PPM1L: variants seen among roughly 807,000 people sequenced by gnomAD.
PPM1L encodes protein phosphatase 1L.
In PPM1L, 13 loss-of-function variants were observed where a neutral mutation model predicts 31.4. The ratio of observed to expected loss-of-function variants is 0.41; its 90% CI spans 0.27 to 0.66. The LOEUF (loss-of-function observed/expected upper bound fraction) is 0.66, where lower values mean the gene tolerates loss of function less well. Among genes scored for constraint, PPM1L ranks in the 30% least tolerant of loss-of-function variants. PPM1L has a pLI of 0.29. For missense variants in PPM1L, 326 were observed against 453.7 expected, an observed-to-expected ratio of 0.72 and a Z score of 2.56; for synonymous variants, 184 against 175.4, an observed-to-expected ratio of 1.05 and a Z score of -0.39.
At chr3:160,921,887 A>C (rs1714418391) in intron 1 of PPM1L, among the ~76,000 whole-genome samples, 1 of 152,176 alleles carries the variant, frequency 6.6e-6, no homozygotes, top group Non-Finnish European at 1.5e-5. Flanking sequence ...TAAGACCTAG[A>C]GTTGCAGAGA....
At chr3:160,776,380 G>A (rs1711558351) in intron 1 of PPM1L, among the ~76,000 whole-genome samples, 1 of 152,136 alleles carries the variant, frequency 6.6e-6, no homozygotes, top group Non-Finnish European at 1.5e-5. Context: ...CCATACTAGA[G>A]AAAGATGGTC....
intron 2 of PPM1L, among the ~76,000 whole-genome samples, chr3:161,018,417 C>T (rs1718147000): frequency 6.6e-6 from 1 of 152,076 alleles, no homozygotes; most frequent in African/African-American, 2.4e-5. Flanking sequence ...TTTCTATGAA[C>T]ATGAAAGGTA....
At chr3:161,003,985 A>G (rs1191283322) in intron 2 of PPM1L, among the ~76,000 whole-genome samples, 2 of 148,684 alleles carry the variant, frequency 1.3e-5, no homozygotes, top group Non-Finnish European at 3.0e-5. Flanking sequence ...TTTGTCATAG[A>G]TAGCTCTTAT....
chr3:160,913,529 T>A (rs1714043992), intron 1 of PPM1L, among the ~76,000 whole-genome samples: 1 of 152,146 alleles, frequency 6.6e-6, no homozygotes, highest in African/African-American at 2.4e-5. Flanking sequence ...TACTCCAAAA[T>A]GTTTCTTGTG....
chr3:160,953,933 A>T (rs774600161), intron 1 of PPM1L, among the ~76,000 whole-genome samples: 39 of 152,276 alleles, frequency 2.6e-4, no homozygotes, highest in Non-Finnish European at 5.6e-4. Context: ...AGCTTTGCTC[A>T]TGTGTTCTTT....
At chr3:160,884,165 C>T (rs1335336263) in intron 1 of PPM1L, among the ~76,000 whole-genome samples, 1 of 152,044 alleles carries the variant, frequency 6.6e-6, no homozygotes, top group Non-Finnish European at 1.5e-5. Context: ...GATTAGAAGA[C>T]CTACGGTTAT....
chr3:160,990,021 A>T (rs1717080933), intron 2 of PPM1L, among the ~76,000 whole-genome samples: 1 of 139,260 alleles, frequency 7.2e-6, no homozygotes, highest in Non-Finnish European at 1.5e-5. Context: ...TTGAGACAAG[A>T]TCTCATTCTG....
At chr3:160,960,902 G>A (rs1207638367) in intron 1 of PPM1L, among the ~76,000 whole-genome samples, 1 of 152,010 alleles carries the variant, frequency 6.6e-6, no homozygotes, top group Non-Finnish European at 1.5e-5. Flanking sequence ...AGAATCTTTG[G>A]GAAAATCTTT....
At chr3:160,847,870 C>A (rs1188507420) in intron 1 of PPM1L, among the ~76,000 whole-genome samples, 1 of 152,130 alleles carries the variant, frequency 6.6e-6, no homozygotes, top group Non-Finnish European at 1.5e-5. Context: ...TATCAGATCA[C>A]CACTCCTTCC....
intron 1 of PPM1L, among the ~76,000 whole-genome samples, chr3:160,817,110 A>G (rs1482883658): frequency 6.6e-6 from 1 of 152,140 alleles, no homozygotes; most frequent in Non-Finnish European, 1.5e-5. Flanking sequence ...GAAGCTGTAG[A>G]TAAGTTTGGA....
chr3:160,892,966 C>T (rs1172224051), intron 1 of PPM1L, among the ~76,000 whole-genome samples: 5 of 151,958 alleles, frequency 3.3e-5, no homozygotes, highest in Non-Finnish European at 7.4e-5. Flanking sequence ...ACAAAGATCC[C>T]TATGTTACTT....
intron 2 of PPM1L, among the ~76,000 whole-genome samples, chr3:161,054,928 C>T (rs1719371006): frequency 6.6e-6 from 1 of 152,124 alleles, no homozygotes; most frequent in South Asian, 2.1e-4. Context: ...GACTTTCAAG[C>T]CCATTACTAC....
At chr3:161,005,617 A>G (rs1301692193) in intron 2 of PPM1L, among the ~76,000 whole-genome samples, 1 of 152,198 alleles carries the variant, frequency 6.6e-6, no homozygotes, top group African/African-American at 2.4e-5. Flanking sequence ...CATGTTATTC[A>G]GTAAGCTGCC....
chr3:160,822,669 A>T (rs942833774), intron 1 of PPM1L, among the ~76,000 whole-genome samples: 1 of 152,132 alleles, frequency 6.6e-6, no homozygotes, highest in African/African-American at 2.4e-5. Context: ...GCATATTTCA[A>T]TTCTGAAATA....
intron 1 of PPM1L, among the ~76,000 whole-genome samples, chr3:160,947,210 A>C (rs889774601): frequency 1.3e-5 from 2 of 152,202 alleles, no homozygotes; most frequent in African/African-American, 4.8e-5. Flanking sequence ...CAACAAATAG[A>C]AAGTTAGTAT....
At chr3:160,946,195 C>T (rs897501678) in intron 1 of PPM1L, among the ~76,000 whole-genome samples, 1 of 152,080 alleles carries the variant, frequency 6.6e-6, no homozygotes, top group Non-Finnish European at 1.5e-5. Flanking sequence ...CTTTTCTTAG[C>T]CCAGAGTTCC....
intron 2 of PPM1L, among the ~76,000 whole-genome samples, chr3:160,979,886 A>G (rs1559912012): frequency 6.6e-6 from 1 of 152,042 alleles, no homozygotes; most frequent in Non-Finnish European, 1.5e-5. Context: ...GTATCTTTGG[A>G]ATAAGTCGAC....
At chr3:161,054,219 G>A (rs942583884) in intron 2 of PPM1L, among the ~76,000 whole-genome samples, 1 of 152,064 alleles carries the variant, frequency 6.6e-6, no homozygotes, top group Non-Finnish European at 1.5e-5. Context: ...AGGCCTTGGT[G>A]TGTTCTTAAT....
chr3:160,850,650 A>G lies in PPM1L; in HGVS notation c.399+93943A>G, dbSNP rs115465176. Among the ~76,000 whole-genome samples, 388 of 152,246 alleles carry G rather than the reference A, an allele frequency of 2.5e-3. 3 individuals carry two copies. Among genetic ancestry groups the G allele is most frequent in the African/African-American group, 8.9e-3 (369 of 41,554 alleles). ...CAATAAGTATACAAAAAGAAACATC[A>G]TTTTGGAGATTTCCAAGGGTTTTAG... On this transcript the variant is annotated intron_variant, in intron 1 of 3. Transcript: ENST00000498165.
Sources: allele counts gnomAD v4.1 joint callset (sites outside exome capture counted in the v4.1 genomes callset), GRCh38; gene constraint gnomAD v4.1.1; transcripts MANE v1.5; gene names NCBI Gene and HGNC (gene_info 2026-07-23, HGNC 2026-07-21).